ITGAD: variants seen among roughly 807,000 people sequenced by gnomAD.
The protein encoded by ITGAD is integrin subunit alpha D.
In ITGAD, 105 loss-of-function variants were observed where a neutral mutation model predicts 139.0. The observed-to-expected ratio is 0.76, with a 90% CI of 0.65 to 0.89. The LOEUF (loss-of-function observed/expected upper bound fraction) is 0.89. ITGAD is among the 40% of genes least tolerant of loss of function. ITGAD has a pLI of 0.00. For missense variants in ITGAD, 1,384 were observed against 1,487.3 expected, an observed-to-expected ratio of 0.93 and a Z score of 1.14; for synonymous variants, 569 against 598.3, an observed-to-expected ratio of 0.95 and a Z score of 0.71.
In ITGAD at chr16:31,418,211, T is replaced by A. The variant is rs775734830; in HGVS notation, c.2616+20T>A. 1 of 1,607,600 alleles carries A rather than the reference T, an allele frequency of 6.2e-7. No homozygotes were observed. Among genetic ancestry groups the A allele is most frequent in the Non-Finnish European group, 8.5e-7 (1 of 1,174,074 alleles). ...TCTAACGTCAGTGCTTCTCCCTAAATCCCCATCACTGTCCTCCCTTGTCCC... is the reference window on the plus strand; with the variant it reads ...TCTAACGTCAGTGCTTCTCCCTAAAACCCCATCACTGTCCTCCCTTGTCCC... On this transcript the variant is annotated intron_variant, in intron 21 of 29. Transcript: ENST00000389202.
At chr16:31,396,521 G>T (rs900082634) in intron 2 of ITGAD, among the ~76,000 whole-genome samples, 11 of 152,170 alleles carry the variant, frequency 7.2e-5, no homozygotes, top group African/African-American at 2.7e-4. Context: ...CTCATCGTTT[G>T]TATCAGCAGG....
At chr16:31,415,248 C>T (rs929447821) in intron 18 of ITGAD, among the ~76,000 whole-genome samples, 5 of 152,120 alleles carry the variant, frequency 3.3e-5, no homozygotes, top group African/African-American at 4.8e-5. Context: ...AGAGTTGACA[C>T]GAAATGGTTC....
chr16:31,410,742 C>A lies in ITGAD; in HGVS notation c.1220C>A (p.Ser407Tyr), dbSNP rs1380797282. Residue 407 changes from serine to tyrosine, a missense_variant, in exon 12 of 30, where the codon TCC (serine) becomes TAC (tyrosine). By Grantham distance (144) the Ser-to-Tyr change is moderately radical (BLOSUM62 -2). Coordinates refer to ENST00000389202, the MANE Select transcript of ITGAD (RefSeq NM_005353.3). ...VDMRDSYLGY[S>Y]TELALWKGVQ... ...TGAGGCCTGGGCCCCTCAGGTTACT[C>A]CACCGAGCTAGCCCTGTGGAAGGGG... The A allele has an allele frequency of 1.2e-6, 2 of 1,611,104 alleles. No homozygotes were observed. Among genetic ancestry groups the A allele is most frequent in the Non-Finnish European group, 1.7e-6 (2 of 1,179,010 alleles).
At chr16:31,395,859 T>C (rs976277181) in intron 2 of ITGAD, among the ~76,000 whole-genome samples, 2 of 151,740 alleles carry the variant, frequency 1.3e-5, no homozygotes, top group Non-Finnish European at 2.9e-5. Flanking sequence ...CTATAAGAGG[T>C]CACCGAGCTC....
At position 31,426,249 on chromosome 16, in the gene ITGAD, T is replaced by C; in HGVS notation, c.*121T>C. On this transcript the variant is annotated 3_prime_UTR_variant, in exon 30 of 30. Coordinates refer to ENST00000389202, the MANE Select transcript of ITGAD (RefSeq NM_005353.3). Reference sequence around the variant, plus strand: ...CTGGCCTAAGCAACCTACCAGGTGCTAAGCACCTTCTCGGAGAGATAGAGA... The same window carrying C: ...CTGGCCTAAGCAACCTACCAGGTGCCAAGCACCTTCTCGGAGAGATAGAGA... 2 of 673,638 alleles carry C rather than the reference T, an allele frequency of 3.0e-6. No homozygotes were observed. The highest frequency in any genetic ancestry group is 4.6e-5 in the Admixed American group (2 of 43,928). 41.7% of individuals were successfully genotyped at this position (673,638 alleles called of 1,614,324 possible). A position where few individuals can be genotyped will look rare whatever the true frequency, so the allele number is the denominator to read the frequency against.
intron 20 of ITGAD, 110 bp downstream of exon 20, chr16:31,416,756 C>T (rs1326145038): frequency 2.0e-6 from 2 of 1,006,308 alleles, no homozygotes; most frequent in African/African-American, 3.2e-5. Context: ...TGCTCTCTCT[C>T]TCTCTCTCAC....
rs780389943 is a variant in ITGAD, at chr16:31,423,153, C to CG, written c.2821dup (p.Asp941GlyfsTer2). 2 of 1,614,102 alleles carry CG rather than the reference C, an allele frequency of 1.2e-6. No individual in the cohort carries two copies. Among genetic ancestry groups the CG allele is most frequent in the Non-Finnish European group, 1.7e-6 (2 of 1,180,000 alleles). On this transcript the variant is annotated frameshift_variant, in exon 24 of 30. Transcript: ENST00000389202. LOFTEE classifies it high-confidence loss of function. ...CCAAGTACTTCAACTTTGCAACCTCCGATGAGAAGAAAATGAAAGAGGCTG... is the reference window on the plus strand; with the variant it reads ...CCAAGTACTTCAACTTTGCAACCTCCGGATGAGAAGAAAATGAAAGAGGCTG...
intron 14 of ITGAD, among the ~76,000 whole-genome samples, chr16:31,412,131 G>A (rs1167451869): frequency 6.6e-6 from 1 of 150,852 alleles, no homozygotes; most frequent in Non-Finnish European, 1.5e-5. Flanking sequence ...GTGCAGTGGC[G>A]TAATCTTGGC....
In ITGAD at chr16:31,413,171, G is replaced by A; in HGVS notation, c.1921G>A (p.Glu641Lys). ...VAKAVYRCWEEKPSALEAGDA... is the reference protein window; with the variant it reads ...VAKAVYRCWEKKPSALEAGDA... ...CAAGGCTGTGTACCGGTGCTGGGAA[G>A]AGAAGCCCAGTGCCCTGGAAGCTGG... is the stretch of plus-strand genomic sequence containing the variant. The change falls in exon 16 of 30, where the codon GAG becomes AAG. Residue 641 changes from glutamate (E) to lysine (K), a missense_variant. Transcript: ENST00000389202. 6.2e-7 allele frequency: 1 copy of A among 1,614,180 alleles called. No individual in the cohort carries two copies. The highest frequency in any genetic ancestry group is 1.3e-5 in the African/African-American group (1 of 75,048).
intron 18 of ITGAD, among the ~76,000 whole-genome samples, chr16:31,415,267 A>G (rs2081855627): frequency 6.6e-6 from 1 of 151,926 alleles, no homozygotes; most frequent in Admixed American, 6.6e-5. Flanking sequence ...TCCCATATCT[A>G]TTGTTGTATC....
At chr16:31,401,848 G>A (rs2081412855) in intron 5 of ITGAD, among the ~76,000 whole-genome samples, 1 of 152,214 alleles carries the variant, frequency 6.6e-6, no homozygotes. Context: ...GATGCTTGTG[G>A]CACCCCTAGC....
intron 25 of ITGAD, 34 bp downstream of exon 25, chr16:31,423,493 A>G (rs771150398): frequency 1.2e-6 from 2 of 1,605,762 alleles, no homozygotes; most frequent in African/African-American, 2.7e-5. Context: ...CTTCAGACTG[A>G]CATCCCACAG....
chr16:31,423,157 GAGA>G lies in ITGAD; in HGVS notation c.2829_2831del (p.Lys944del), dbSNP rs751979557. On this transcript the variant is annotated inframe_deletion, in exon 24 of 30. Coordinates refer to ENST00000389202, the MANE Select transcript of ITGAD (RefSeq NM_005353.3). The stretch of plus-strand genomic sequence containing the variant: ...GTACTTCAACTTTGCAACCTCCGAT[GAGA>G]AGAAAATGAAAGAGGCTGAGCATCG... 4.3e-6 allele frequency: 7 copies of G among 1,614,084 alleles called. No individual in the cohort carries two copies. In the Admixed American group the frequency reaches 1.0e-4, roughly 23 times the overall value.
At chr16:31,410,711 T>C in intron 11 of ITGAD, 25 bp from the exon 12 acceptor site, 1 of 1,594,934 alleles carries the variant, frequency 6.3e-7, no homozygotes, top group Non-Finnish European at 8.5e-7. Flanking sequence ...ATGGGGGCCT[T>C]TGTGCTGAGG....
At chr16:31,423,788 C>A in intron 26 of ITGAD, 57 bp from the exon 27 acceptor site, 9 of 1,588,720 alleles carry the variant, frequency 5.7e-6, no homozygotes, top group Non-Finnish European at 7.8e-6. Flanking sequence ...CATATTTTTT[C>A]CTATGGCTCC....
chr16:31,414,354 AGT>A (rs1435904856), intron 16 of ITGAD, 95 bp from the exon 17 acceptor site: 77 of 1,309,886 alleles, frequency 5.9e-5, no homozygotes, highest in Middle Eastern at 3.8e-4. Flanking sequence ...GGCCCATAGC[AGT>A]GTCCAGCAAA....
rs1384228307 is a variant in ITGAD, at chr16:31,411,083, C to T, written c.1364C>T (p.Ser455Phe). 25 of 1,612,094 alleles carry T rather than the reference C, an allele frequency of 1.6e-5. No homozygotes were observed. The highest frequency in any genetic ancestry group is 2.1e-5 in the Non-Finnish European group (25 of 1,179,784). Residue 455 changes from serine to phenylalanine, a missense_variant, in exon 13 of 30, where the codon TCC becomes TTC. Physicochemically the swap from Ser to Phe is radical, Grantham distance 155 (BLOSUM62 -2). Coordinates refer to ENST00000389202, the MANE Select transcript of ITGAD (RefSeq NM_005353.3). ...KAEVTGTQIG[S>F]YFGASLCSVD... The stretch of plus-strand genomic sequence containing the variant: ...CCAGGCTCTGCCCTCCAGATCGGCT[C>T]CTACTTCGGGGCCTCCCTCTGCTCT...
intron 29 of ITGAD, 57 bp from the exon 30 acceptor site, chr16:31,425,958 G>A (rs1040001598): frequency 5.3e-6 from 6 of 1,131,444 alleles, no homozygotes; most frequent in Admixed American, 1.8e-5. Flanking sequence ...TGAGATTACA[G>A]GTGTGAGCCA....
Position 31,403,628 on chromosome 16 carries a change from G to A in ITGAD, c.687G>A (p.Thr229=), listed in dbSNP as rs747270842. 7.4e-6 allele frequency: 12 copies of A among 1,614,096 alleles called. No individual in the cohort carries two copies. The highest frequency in any genetic ancestry group is 4.4e-5 in the South Asian group (4 of 91,072). Residue 229 remains threonine, a synonymous_variant, in exon 7 of 30, where the codon ACG becomes ACA. Transcript: ENST00000389202. This position sits in a 1 kb window ranked among gnomAD's most constrained non-coding sequence, Gnocchi z 4.4. Reference sequence around the variant, plus strand: ...TGAAAGGCCTGACGTTCACGGCCACGGGCATCCTGACAGTGGTGTAAGCAA... The same window carrying A: ...TGAAAGGCCTGACGTTCACGGCCACAGGCATCCTGACAGTGGTGTAAGCAA... ...VQLKGLTFTA[T]GILTVVTQLF...
Sources: allele counts gnomAD v4.1 joint callset (sites outside exome capture counted in the v4.1 genomes callset), GRCh38; gene constraint gnomAD v4.1.1; non-coding constraint Gnocchi (gnomAD v3.1); transcripts MANE v1.5; gene names NCBI Gene and HGNC (gene_info 2026-07-23, HGNC 2026-07-21).